The following FNIP2 variants were observed in gnomAD, a reference collection of about 807,000 sequenced individuals.
FNIP2 encodes folliculin-interacting protein 2.
Under a neutral mutation model 108.7 loss-of-function variants are expected in FNIP2, and 32 were observed. That is an observed-to-expected ratio of 0.29 (90% CI 0.22 to 0.40). The LOEUF is 0.40. FNIP2 is among the 10% of genes least tolerant of loss of function. The probability of loss-of-function intolerance (pLI) is 1.00; values close to 1 mark genes in which losing one functional copy is unlikely to be tolerated. For synonymous variants in FNIP2, 480 were observed against 496.7 expected, an observed-to-expected ratio of 0.97 and a Z score of 0.45; for missense variants, 1,202 against 1,381.6, an observed-to-expected ratio of 0.87 and a Z score of 2.06.
chr4:158,841,958 T>C (rs1779158440), intron 7 of FNIP2, among the ~76,000 whole-genome samples: 1 of 152,286 alleles, frequency 6.6e-6, no homozygotes, highest in Non-Finnish European at 1.5e-5. Context: ...TCTATGTAAG[T>C]AATAAACTAT....
At chr4:158,791,712 C>T (rs1162653359) in intron 1 of FNIP2, among the ~76,000 whole-genome samples, 2 of 152,182 alleles carry the variant, frequency 1.3e-5, no homozygotes, top group Non-Finnish European at 2.9e-5. Flanking sequence ...GATAATGCCT[C>T]CCTGCCCAGA....
intron 14 of FNIP2, among the ~76,000 whole-genome samples, chr4:158,876,971 A>G (rs1442166228): frequency 2.0e-5 from 3 of 152,152 alleles, no homozygotes; most frequent in East Asian, 3.8e-4. Context: ...AGAGTTAGAC[A>G]CATGTCTAAT....
chr4:158,895,697 A>G (rs1782606907), intron 15 of FNIP2, 53 bp from the exon 16 acceptor site: 28 of 1,102,650 alleles, frequency 2.5e-5, no homozygotes, highest in Middle Eastern at 3.9e-4. Context: ...CTCTTAAAAT[A>G]TTGGCAGAGA....
At chr4:158,858,974 G>T (rs1014489901) in intron 8 of FNIP2, 83 bp from the exon 9 acceptor site, 2 of 1,074,976 alleles carry the variant, frequency 1.9e-6, no homozygotes, top group African/African-American at 1.6e-5. Flanking sequence ...GAATGTTCTG[G>T]GTGTCATCCC....
chr4:158,870,600 G>A (rs1047761172), intron 14 of FNIP2, 131 bp downstream of exon 14: 1 of 1,208,528 alleles, frequency 8.3e-7, no homozygotes, highest in African/African-American at 1.5e-5. Flanking sequence ...AGGGTTATGG[G>A]AACCAGCTAG....
chr4:158,827,613 A>C (rs915966957), intron 2 of FNIP2, among the ~76,000 whole-genome samples: 3 of 152,160 alleles, frequency 2.0e-5, no homozygotes, highest in Non-Finnish European at 4.4e-5. Flanking sequence ...TAGCAGTCTG[A>C]AGCAGTGGCA....
intron 15 of FNIP2, 132 bp from the exon 16 acceptor site, chr4:158,895,618 T>C: frequency 1.6e-6 from 1 of 622,316 alleles, no homozygotes; most frequent in East Asian, 2.8e-5. Context: ...TGGCTTGTGA[T>C]TTTTTAAGTG....
intron 1 of FNIP2, among the ~76,000 whole-genome samples, chr4:158,784,994 T>A (rs180752157): frequency 6.6e-6 from 1 of 152,330 alleles, no homozygotes; most frequent in East Asian, 1.9e-4. Flanking sequence ...TAGTAGGAGC[T>A]TGTTTAAATA....
At chr4:158,835,278 T>C in intron 6 of FNIP2, 127 bp from the exon 7 acceptor site, 1 of 636,956 alleles carries the variant, frequency 1.6e-6, no homozygotes, top group Admixed American at 2.4e-5. Flanking sequence ...AGTTAATCTC[T>C]ATTAAAAGCT....
chr4:158,780,209 G>GA (rs1182030064), intron 1 of FNIP2, among the ~76,000 whole-genome samples: 74 of 135,584 alleles, frequency 5.5e-4, no homozygotes, highest in South Asian at 1.8e-3. Flanking sequence ...CCCTGTCTCA[G>GA]AAAAAAAAAA....
chr4:158,812,913 C>G lies in FNIP2; in HGVS notation c.108-13003C>G, dbSNP rs578031120. 2.0e-5 allele frequency among the ~76,000 whole-genome samples: 3 copies of G among 151,642 alleles called. No individual in the cohort carries two copies. In the South Asian group the frequency reaches 6.3e-4, roughly 32 times the overall value. On this transcript the variant is annotated intron_variant, in intron 1 of 16. Coordinates refer to ENST00000264433, the MANE Select transcript of FNIP2 (RefSeq NM_020840.3). ...TCATCCTTCCCTCCCTCTCTAACCC[C>G]AGGCAACCACTTGTCTTTTTACTGT... is the stretch of plus-strand genomic sequence containing the variant.
chr4:158,844,862 C>A (rs1779313932), intron 7 of FNIP2, among the ~76,000 whole-genome samples: 1 of 152,156 alleles, frequency 6.6e-6, no homozygotes. Flanking sequence ...TTGGCACATG[C>A]CAGGAACAGC....
At chr4:158,839,412 C>T (rs1358727315) in intron 7 of FNIP2, among the ~76,000 whole-genome samples, 2 of 152,028 alleles carry the variant, frequency 1.3e-5, no homozygotes, top group Non-Finnish European at 2.9e-5. Flanking sequence ...AGCTGGAGTG[C>T]TCTTGTGTGA....
At chr4:158,826,162 C>T in intron 2 of FNIP2, 120 bp downstream of exon 2, 7 of 1,327,656 alleles carry the variant, frequency 5.3e-6, no homozygotes, top group Non-Finnish European at 7.1e-6. Context: ...ATTAATGGTT[C>T]AGAAGAAACA....
rs1729665159 is a variant in FNIP2 at position 158,904,612 on chromosome 4, A to C, written c.*68A>C. The C allele has an allele frequency of 7.5e-7, 1 of 1,338,642 alleles. No homozygotes were observed. The highest frequency in any genetic ancestry group is 1.2e-5 in the South Asian group (1 of 84,940). The allele number at this position is 1,338,642 out of a possible 1,614,324, so 82.9% of individuals were successfully genotyped here. On this transcript the variant is annotated 3_prime_UTR_variant, in exon 17 of 17. Transcript: ENST00000264433. ...ATTCTCAACTGAAGGAGAAAGGAATAAGCTCTCTGTGATGTCAAAAGCATG... is the reference window on the plus strand; with the variant it reads ...ATTCTCAACTGAAGGAGAAAGGAATCAGCTCTCTGTGATGTCAAAAGCATG...
At chr4:158,851,515 G>A (rs1429892020) in intron 8 of FNIP2, 65 bp downstream of exon 8, 2 of 1,590,486 alleles carry the variant, frequency 1.3e-6, no homozygotes, top group Middle Eastern at 3.3e-4. Flanking sequence ...AAACTGGCAG[G>A]GAGGCTGTTC....
At chr4:158,773,429 T>C (rs1347746889) in intron 1 of FNIP2, among the ~76,000 whole-genome samples, 5 of 152,248 alleles carry the variant, frequency 3.3e-5, no homozygotes, top group Admixed American at 2.6e-4. Flanking sequence ...ACCATGTTGA[T>C]GGGAGACCCA....
At chr4:158,780,749 G>A (rs2126420537) in intron 1 of FNIP2, among the ~76,000 whole-genome samples, 1 of 152,118 alleles carries the variant, frequency 6.6e-6, no homozygotes, top group East Asian at 1.9e-4. Context: ...AGTATGAAGT[G>A]TAGCTGAGTG....
chr4:158,897,668 C>T (rs895825721), intron 16 of FNIP2, among the ~76,000 whole-genome samples: 10 of 152,090 alleles, frequency 6.6e-5, no homozygotes, highest in Admixed American at 6.6e-5. Context: ...TCATATCCTT[C>T]ACCCACTTTT....
Sources: gnomAD v4.1 joint callset for allele counts (sites outside exome capture counted in the v4.1 genomes callset) on GRCh38, gnomAD v4.1.1 for gene constraint, MANE v1.5 for transcripts, NCBI Gene and HGNC (gene_info 2026-07-23, HGNC 2026-07-21) for gene names.